ZFAT: variants seen among roughly 807,000 people sequenced by gnomAD.
The protein encoded by ZFAT is zinc finger and AT-hook domain containing.
In ZFAT, 64 loss-of-function variants were observed where a neutral mutation model predicts 117.7. The ratio of observed to expected loss-of-function variants is 0.54; its 90% confidence interval spans 0.44 to 0.67. The LOEUF (loss-of-function observed/expected upper bound fraction) is 0.67. Among genes scored for constraint, ZFAT ranks in the 30% least tolerant of loss-of-function variants. The pLI, the probability that ZFAT is intolerant of heterozygous loss-of-function variation, is 0.00. For synonymous variants in ZFAT, 679 were observed against 615.0 expected, an observed-to-expected ratio of 1.10 and a Z score of -1.54; for missense variants, 1,433 against 1,584.5, an observed-to-expected ratio of 0.90 and a Z score of 1.62.
chr8:134,729,056 A>G, the ZFAT span, among the ~76,000 whole-genome samples: 1 of 152,260 alleles, frequency 6.6e-6, no homozygotes, highest in Non-Finnish European at 1.5e-5. Flanking sequence ...GGAGAATTAT[A>G]CTATCAGGAA....
intron 11 of ZFAT, among the ~76,000 whole-genome samples, chr8:134,548,800 C>T (rs755327315): frequency 2.6e-4 from 40 of 152,260 alleles, no homozygotes; most frequent in Non-Finnish European, 3.8e-4. Context: ...ATGGCCTCTT[C>T]CAGGGAGGGT....
intron 1 of ZFAT, among the ~76,000 whole-genome samples, chr8:134,700,608 G>C (rs977707997): frequency 6.6e-6 from 1 of 152,212 alleles, no homozygotes; most frequent in Non-Finnish European, 1.5e-5. Flanking sequence ...GTCGGACTCC[G>C]GGCTGTGATT....
At chr8:134,645,322 C>A (rs892689500) in intron 2 of ZFAT, among the ~76,000 whole-genome samples, 21 of 152,148 alleles carry the variant, frequency 1.4e-4, no homozygotes, top group African/African-American at 4.6e-4. Context: ...AACTAAGCCT[C>A]TACAAGCCTC....
intron 15 of ZFAT, among the ~76,000 whole-genome samples, chr8:134,487,045 C>T (rs543462679): frequency 3.3e-5 from 5 of 152,206 alleles, no homozygotes; most frequent in African/African-American, 7.2e-5. Flanking sequence ...CATATGTCTA[C>T]GTGGATATCC....
At chr8:134,540,918 G>C (rs879892100) in intron 11 of ZFAT, among the ~76,000 whole-genome samples, 79 of 152,254 alleles carry the variant, frequency 5.2e-4, no homozygotes, top group African/African-American at 1.9e-3. Flanking sequence ...CTGTAGTTTG[G>C]GGTCATTTTT....
chr8:134,630,269 G>T (rs1410810245), intron 3 of ZFAT, among the ~76,000 whole-genome samples: 2 of 152,216 alleles, frequency 1.3e-5, no homozygotes, highest in African/African-American at 4.8e-5. Context: ...AGGAAAAAAT[G>T]AGGGTTTACA....
intron 10 of ZFAT, among the ~76,000 whole-genome samples, chr8:134,581,723 C>T (rs1345531894): frequency 6.6e-6 from 1 of 152,114 alleles, no homozygotes; most frequent in African/African-American, 2.4e-5. Flanking sequence ...TAGCTGGGAC[C>T]ACAGGTGTGA....
At chr8:134,628,221 G>A (rs1027564854) in intron 3 of ZFAT, among the ~76,000 whole-genome samples, 3 of 152,204 alleles carry the variant, frequency 2.0e-5, no homozygotes, top group Non-Finnish European at 2.9e-5. Flanking sequence ...ATCATTGAAG[G>A]TCAAGCATAT....
At chr8:134,614,718 A>G (rs1828596214) in intron 3 of ZFAT, among the ~76,000 whole-genome samples, 1 of 152,192 alleles carries the variant, frequency 6.6e-6, no homozygotes, top group Non-Finnish European at 1.5e-5. Context: ...CCTGCAATAG[A>G]TCTCAGAGCA....
At chr8:134,693,962 C>T (rs1368493384) in intron 1 of ZFAT, among the ~76,000 whole-genome samples, 3 of 152,178 alleles carry the variant, frequency 2.0e-5, no homozygotes, top group Admixed American at 2.0e-4. Flanking sequence ...ATTATTTCTG[C>T]GCAATTCCTG....
At chr8:134,603,614 G>A (rs142339623) in intron 5 of ZFAT, among the ~76,000 whole-genome samples, 3 of 152,342 alleles carry the variant, frequency 2.0e-5, no homozygotes, top group Admixed American at 6.5e-5. Flanking sequence ...TTCTTCCCAA[G>A]AAAAGAGAAC....
intron 1 of ZFAT, among the ~76,000 whole-genome samples, chr8:134,677,382 G>A (rs1369016054): frequency 1.3e-5 from 2 of 152,084 alleles, no homozygotes; most frequent in African/African-American, 4.8e-5. Flanking sequence ...CATCTCCCAA[G>A]ACTAAATCAG....
At chr8:134,700,818 C>A (rs1833990880) in intron 1 of ZFAT, among the ~76,000 whole-genome samples, 1 of 152,144 alleles carries the variant, frequency 6.6e-6, no homozygotes, top group Admixed American at 6.5e-5. Flanking sequence ...GTCACTGATC[C>A]CCCTACTCTA....
At chr8:134,547,193 T>G (rs1822764382) in intron 11 of ZFAT, among the ~76,000 whole-genome samples, 1 of 152,220 alleles carries the variant, frequency 6.6e-6, no homozygotes, top group Non-Finnish European at 1.5e-5. Context: ...GTCTGTTGGA[T>G]CCTAATGTTC....
At chr8:134,582,150 T>C (rs1231499606) in intron 10 of ZFAT, among the ~76,000 whole-genome samples, 2 of 152,238 alleles carry the variant, frequency 1.3e-5, no homozygotes, top group Non-Finnish European at 2.9e-5. Flanking sequence ...ACAGAGAGGA[T>C]AGGCAGAGTG....
At chr8:134,815,244 T>C in the ZFAT span, among the ~76,000 whole-genome samples, 48 of 152,342 alleles carry the variant, frequency 3.2e-4, no homozygotes, top group Middle Eastern at 6.8e-3. Flanking sequence ...AGCACTATTT[T>C]TGAAAACATC....
rs1286300321 is a variant in ZFAT, at chr8:134,513,673, AGTGCAAG to A, written c.3235-1079_3235-1073del. ...TTATCTCTTTCTGGAAGGGGCAGAG[AGTGCAAG>A]CAAAACTGTAAGGCTGGATGCATGA... On this transcript the variant is annotated intron_variant, in intron 13 of 15. Coordinates refer to ENST00000377838, the MANE Select transcript of ZFAT (RefSeq NM_020863.4). 1.1e-4 allele frequency among the ~76,000 whole-genome samples: 16 copies of A among 152,314 alleles called. No homozygotes were observed. The East Asian group carries it at 3.1e-3, about 29-fold the overall frequency.
At chr8:134,489,166 C>T (rs539050421) in intron 15 of ZFAT, among the ~76,000 whole-genome samples, 176 of 152,258 alleles carry the variant, frequency 1.2e-3, no homozygotes, top group Middle Eastern at 6.8e-3. Flanking sequence ...CCCAAGCTCA[C>T]TCCCCTGAGG....
chr8:134,519,329 T>C (rs553893786), intron 13 of ZFAT, among the ~76,000 whole-genome samples: 1 of 152,338 alleles, frequency 6.6e-6, no homozygotes, highest in South Asian at 2.1e-4. Context: ...CTCCCATATT[T>C]ACATTTTGGG....
Sources: allele counts gnomAD v4.1 joint callset (sites outside exome capture counted in the v4.1 genomes callset), GRCh38; gene constraint gnomAD v4.1.1; transcripts MANE v1.5; gene names NCBI Gene and HGNC (gene_info 2026-07-23, HGNC 2026-07-21).